Variants in TRHDE observed in about 807,000 individuals in gnomAD.
TRHDE encodes thyrotropin releasing hormone degrading enzyme.
A neutral mutation model predicts 125.7 loss-of-function variants in TRHDE; 72 were observed. The ratio of observed to expected loss-of-function variants is 0.57; its 90% CI spans 0.47 to 0.70. The LOEUF is 0.70. TRHDE is among the 30% of genes least tolerant of loss of function. The pLI is 0.00. For synonymous variants in TRHDE, 509 were observed against 509.1 expected, an observed-to-expected ratio of 1.00 and a Z score of 0.00; for missense variants, 1,110 against 1,327.1, an observed-to-expected ratio of 0.84 and a Z score of 2.54.
Position 72,542,368 on chromosome 12 carries a change from G to C in TRHDE, c.1788+12G>C, listed in dbSNP as rs753301055. On this transcript the variant is annotated intron_variant, in intron 7 of 18. Transcript: ENST00000261180. ...AGAGGGGTTTGCAAGTAAGTAAAAT[G>C]CTTTTTATTTTCTTTTACATTTTTC... 2.5e-6 allele frequency: 4 copies of C among 1,594,702 alleles called. No homozygotes were observed. The Middle Eastern group carries it at 6.7e-4, about 269-fold the overall frequency.
intron 2 of TRHDE, among the ~76,000 whole-genome samples, chr12:72,299,488 C>A (rs1565689192): frequency 2.0e-5 from 3 of 149,200 alleles, no homozygotes. Flanking sequence ...TACTGAAAAT[C>A]ATTTCTTACT....
At position 72,286,860 on chromosome 12, in the gene TRHDE, A is replaced by G. The variant is rs1339555813; in HGVS notation, c.1094A>G (p.His365Arg). 6.2e-7 allele frequency: 1 copy of G among 1,613,932 alleles called. No individual in the cohort carries two copies. The highest frequency in any genetic ancestry group is 1.1e-5 in the South Asian group (1 of 91,054). Residue 365 changes from histidine (H) to arginine (R), a missense_variant, in exon 2 of 19, where the codon CAC becomes CGC. This residue lies in a region of TRHDE where 252 missense variants were observed against 274.8 expected (regional missense o/e 0.92). Coordinates refer to ENST00000261180, the MANE Select transcript of TRHDE (RefSeq NM_013381.3). ...VFEEDGWVTD[H>R]FSQTPLMSTY... ...GAGGAAGATGGATGGGTTACGGATC[A>G]CTTTTCACAGACCCCTCTCATGTCC...
chr12:72,301,906 T>A (rs763500457), intron 2 of TRHDE, among the ~76,000 whole-genome samples: 2 of 152,128 alleles, frequency 1.3e-5, no homozygotes, highest in African/African-American at 2.4e-5. Context: ...CAAGGAGGCA[T>A]TGCTTATGAG....
intron 2 of TRHDE, among the ~76,000 whole-genome samples, chr12:72,226,916 A>G (rs1878139839): frequency 6.6e-6 from 1 of 152,224 alleles, no homozygotes; most frequent in African/African-American, 2.4e-5. Context: ...CTTGAACTCA[A>G]TAGGCTGAAA....
chr12:72,562,061 A>T (rs1870204286), intron 7 of TRHDE, 104 bp from the exon 8 acceptor site: 2 of 539,210 alleles, frequency 3.7e-6, no homozygotes, highest in Middle Eastern at 5.1e-4. Flanking sequence ...GTCCTTTTTT[A>T]TTAATATAAT....
intron 3 of TRHDE, among the ~76,000 whole-genome samples, chr12:72,402,708 A>G (rs1159818950): frequency 6.6e-6 from 1 of 152,192 alleles, no homozygotes; most frequent in African/African-American, 2.4e-5. Context: ...CCACAATTAC[A>G]TACATAAAAA....
At chr12:72,339,368 T>C (rs982229008) in intron 2 of TRHDE, among the ~76,000 whole-genome samples, 1 of 152,200 alleles carries the variant, frequency 6.6e-6, no homozygotes, top group African/African-American at 2.4e-5. Flanking sequence ...AAGTATTATT[T>C]CTTATCTTCA....
chr12:72,271,821 A>G (rs371520134), upstream of TRHDE: 4 of 433,162 alleles, frequency 9.2e-6, no homozygotes, highest in South Asian at 6.7e-5. Context: ...AGCTTCATCT[A>G]CCTGAAGGGG....
At position 72,664,683 on chromosome 12, in the gene TRHDE, C is replaced by T. The variant is rs945340985; in HGVS notation, c.*1488C>T. The stretch of plus-strand genomic sequence containing the variant: ...TACATAGCCAAATGTTTGTAAATCA[C>T]GTCTTATTTTCCTGAGGTTTTTCAC... On this transcript the variant is annotated 3_prime_UTR_variant, in exon 19 of 19. Transcript: ENST00000261180. 2.0e-5 allele frequency: 3 copies of T among 152,060 alleles called. No individual in the cohort carries two copies. Among genetic ancestry groups the T allele is most frequent in the East Asian group, 3.9e-4 (2 of 5,182 alleles). 9.4% of individuals were successfully genotyped at this position (152,060 alleles called of 1,614,324 possible). A position where few individuals can be genotyped will look rare whatever the true frequency, so the allele number is the denominator to read the frequency against.
chr12:72,535,790 T>C (rs1660417253), intron 6 of TRHDE, among the ~76,000 whole-genome samples: 1 of 152,160 alleles, frequency 6.6e-6, no homozygotes, highest in South Asian at 2.1e-4. Context: ...ACAAATCTTG[T>C]TAGAACATTG....
At chr12:72,110,577 G>C (rs1875293716) in intron 2 of TRHDE, among the ~76,000 whole-genome samples, 1 of 152,090 alleles carries the variant, frequency 6.6e-6, no homozygotes, top group South Asian at 2.1e-4. Context: ...ATCCCAGCCA[G>C]AGTACAAACA....
chr12:72,245,290 TC>T (rs1878555379), intron 2 of TRHDE, among the ~76,000 whole-genome samples: 1 of 151,110 alleles, frequency 6.6e-6, no homozygotes, highest in Admixed American at 6.6e-5. Flanking sequence ...GGTCTATCTC[TC>T]CATCTCTTTA....
At chr12:72,213,395 C>G (rs918367392) in intron 2 of TRHDE, among the ~76,000 whole-genome samples, 1 of 152,096 alleles carries the variant, frequency 6.6e-6, no homozygotes, top group African/African-American at 2.4e-5. Flanking sequence ...GAGTGCATCA[C>G]AGTTAGCAAA....
intron 2 of TRHDE, among the ~76,000 whole-genome samples, chr12:72,359,971 A>G (rs1339826740): frequency 1.3e-5 from 2 of 151,702 alleles, no homozygotes; most frequent in Non-Finnish European, 1.5e-5. Flanking sequence ...AACTTGGTAT[A>G]TGCGAGAAGG....
In TRHDE at chr12:72,568,549, CT is replaced by C. The variant is rs545601727; in HGVS notation, c.2043-17del. On this transcript the variant is annotated intron_variant, in intron 9 of 18. Transcript: ENST00000261180. ...GATATAGTTATTTTTATTCTTAAAG[CT>C]TGTCTTTTATTTTGCAGTTACCTGT... 1.1e-5 allele frequency: 17 copies of C among 1,564,588 alleles called. No individual in the cohort carries two copies. The South Asian group carries it at 1.8e-4, about 17-fold the overall frequency.
intron 2 of TRHDE, among the ~76,000 whole-genome samples, chr12:72,174,523 A>G (rs931271098): frequency 6.6e-6 from 1 of 152,162 alleles, no homozygotes; most frequent in Non-Finnish European, 1.5e-5. Flanking sequence ...ATCCAGATTT[A>G]TGCTCTACAA....
intron 1 of TRHDE, among the ~76,000 whole-genome samples, chr12:72,275,207 G>T (rs1365810738): frequency 2.6e-5 from 4 of 152,188 alleles, no homozygotes; most frequent in African/African-American, 4.8e-5. Flanking sequence ...CAGAGCTTAT[G>T]GTGTTTGGAA....
rs576963985 is a variant in TRHDE at position 72,404,269 on chromosome 12, T to C, written c.1315+26148T>C. ...TCTCTACTAAAAACACAGAGAAAAT[T>C]AGCCAGGCAAAAATTAGCTGGGCAT... On this transcript the variant is annotated intron_variant, in intron 3 of 18. Coordinates refer to ENST00000261180, the MANE Select transcript of TRHDE (RefSeq NM_013381.3). 1.3e-3 allele frequency among the ~76,000 whole-genome samples: 198 copies of C among 151,988 alleles called. No homozygotes were observed. The Middle Eastern group carries it at 0.014, about 10-fold the overall frequency.
At chr12:72,510,732 A>G (rs146410595) in intron 6 of TRHDE, among the ~76,000 whole-genome samples, 175 of 152,312 alleles carry the variant, frequency 1.1e-3, no homozygotes, top group African/African-American at 4.1e-3. Flanking sequence ...AAAATCTGAG[A>G]AGTATAAGCA....
Sources: allele counts gnomAD v4.1 joint callset (sites outside exome capture counted in the v4.1 genomes callset), GRCh38; gene constraint gnomAD v4.1.1; regional missense constraint gnomAD v4.1.1; transcripts MANE v1.5; gene names NCBI Gene and HGNC (gene_info 2026-07-23, HGNC 2026-07-21).